PHACTR2: variants seen among roughly 807,000 people sequenced by gnomAD.
The protein encoded by PHACTR2 is phosphatase and actin regulator 2.
In PHACTR2, 30 loss-of-function variants were observed where a neutral mutation model predicts 76.0. The ratio of observed to expected loss-of-function variants is 0.39; its 90% CI spans 0.30 to 0.54. The LOEUF (loss-of-function observed/expected upper bound fraction) is 0.54, where lower values mean the gene tolerates loss of function less well. PHACTR2 is among the 20% of genes least tolerant of loss of function. The probability of loss-of-function intolerance (pLI) is 0.61; values close to 1 mark genes in which losing one functional copy is unlikely to be tolerated. For synonymous variants in PHACTR2, 292 were observed against 292.5 expected (o/e 1.00, Z 0.02); for missense variants, 696 against 781.1 (o/e 0.89, Z 1.30).
intron 1 of PHACTR2, among the ~76,000 whole-genome samples, chr6:143,690,225 A>G (rs117549064): frequency 0.017 from 2,520 of 152,220 alleles, 37 homozygotes; most frequent in Non-Finnish European, 0.024. Context: ...CAAATACTCG[A>G]GTTATTCTTA....
intron 1 of PHACTR2, among the ~76,000 whole-genome samples, chr6:143,600,708 TTGAG>T (rs1775805031): frequency 6.6e-6 from 1 of 152,214 alleles, no homozygotes; most frequent in Admixed American, 6.5e-5. Flanking sequence ...ACCAAGACTA[TTGAG>T]TGCTATTGAG....
rs1386284018 is a variant in PHACTR2, at chr6:143,561,234, T to A, written c.217+24027T>A. Reference sequence around the variant, plus strand: ...GAAGGTTCTGCCCCTCTGAGCTCATTTCCCCTCCTCACCCTGTGATGACAG... The same window carrying A: ...GAAGGTTCTGCCCCTCTGAGCTCATATCCCCTCCTCACCCTGTGATGACAG... On this transcript the variant is annotated intron_variant, in intron 1 of 11. Transcript: ENST00000367584. This position sits in a 1 kb window ranked among gnomAD's most constrained non-coding sequence, Gnocchi z 4.1. 6.6e-6 allele frequency: 1 copy of A among 152,260 alleles called. No individual in the cohort carries two copies. The highest frequency in any genetic ancestry group is 2.4e-5 in the African/African-American group (1 of 41,444). The allele number at this position is 152,260 out of a possible 1,614,324, so 9.4% of individuals were successfully genotyped here. A position where few individuals can be genotyped will look rare whatever the true frequency, so the allele number is the denominator to read the frequency against.
chr6:143,606,108 A>G (rs377203334), upstream of PHACTR2, among the ~76,000 whole-genome samples: 21 of 152,342 alleles, frequency 1.4e-4, no homozygotes, highest in African/African-American at 4.6e-4. Flanking sequence ...AATCACTCCT[A>G]GCAGGATCTG....
At chr6:143,613,948 C>T (rs1377453821) in intron 1 of PHACTR2, among the ~76,000 whole-genome samples, 2 of 152,254 alleles carry the variant, frequency 1.3e-5, no homozygotes, top group East Asian at 1.9e-4. Flanking sequence ...TGAGGCCGGG[C>T]GTGGTGGCTC....
Position 143,765,268 on chromosome 6 carries a change from C to A in PHACTR2, c.702C>A (p.Ser234=), listed in dbSNP as rs1274556169. 2 of 1,611,672 alleles carry A rather than the reference C, an allele frequency of 1.2e-6. No homozygotes were observed. Among genetic ancestry groups the A allele is most frequent in the South Asian group, 1.1e-5 (1 of 90,984 alleles). ...SRNTTREAAG[S]SHSKKTTGSK... is the part of the protein sequence containing the mutation. Reference sequence around the variant, plus strand: ...AAGGTCTCTCTATTGTAGCTGGCTCCTCTCATTCAAAAAAAACAACTGGCT... The same window carrying A: ...AAGGTCTCTCTATTGTAGCTGGCTCATCTCATTCAAAAAAAACAACTGGCT... Residue 234 remains serine, a synonymous_variant, in exon 6 of 13, where the codon TCC becomes TCA. Coordinates refer to ENST00000440869, the MANE Select transcript of PHACTR2 (RefSeq NM_001100164.2). The surrounding 1 kb of genome is among the most constrained non-coding windows in gnomAD (Gnocchi z 4.1).
chr6:143,666,961 G>A (rs958057595), intron 1 of PHACTR2, among the ~76,000 whole-genome samples: 1 of 152,198 alleles, frequency 6.6e-6, no homozygotes, highest in East Asian at 1.9e-4. Context: ...CCATGCCTAT[G>A]TCCTGAATGG....
Position 143,656,536 on chromosome 6 carries a change from T to C in PHACTR2, c.13+48214T>C, listed in dbSNP as rs941489919. Among the ~76,000 whole-genome samples, 21 of 152,108 alleles carry C rather than the reference T, an allele frequency of 1.4e-4. No individual in the cohort carries two copies. Among genetic ancestry groups the C allele is most frequent in the African/African-American group, 3.6e-4 (15 of 41,410 alleles). On this transcript the variant is annotated intron_variant, in intron 1 of 11. Transcript: ENST00000305766. The surrounding 1 kb of genome is among the most constrained non-coding windows in gnomAD (Gnocchi z 5.3). The stretch of plus-strand genomic sequence containing the variant: ...CTGTGTGTGTCCCACAGGCTGCAGG[T>C]TGGGCAAGTTTGGTCTATGATTTTA...
rs1012235153 is a variant in PHACTR2, at chr6:143,760,001, C to A, written c.455-400C>A. Among the ~76,000 whole-genome samples, 7 of 152,204 alleles carry A rather than the reference C, an allele frequency of 4.6e-5. No individual in the cohort carries two copies. In the South Asian group the frequency reaches 1.4e-3, roughly 32 times the overall value. ...ACAGCAGTGACTGTAACGTGTTCAT[C>A]TGCCACTCTCCAGGAGCCTTCAACT... On this transcript the variant is annotated intron_variant, in intron 4 of 12. Coordinates refer to ENST00000440869, the MANE Select transcript of PHACTR2 (RefSeq NM_001100164.2). The surrounding 1 kb of genome is among the most constrained non-coding windows in gnomAD (Gnocchi z 6.4).
chr6:143,541,280 A>G lies in PHACTR2; in HGVS notation c.217+4073A>G, dbSNP rs979252652. ...TTTCTGATGTGCTGTTCTGATAAGC[A>G]CAGTGTTTAGTAAGTAAAGAACCTG... On this transcript the variant is annotated intron_variant, in intron 1 of 11. Coordinates refer to the PHACTR2 transcript ENST00000367584. The surrounding 1 kb of genome is among the most constrained non-coding windows in gnomAD (Gnocchi z 5.3). Among the ~76,000 whole-genome samples the G allele has an allele frequency of 1.7e-4, 26 of 152,228 alleles. No homozygotes were observed. The highest frequency in any genetic ancestry group is 6.0e-4 in the African/African-American group (25 of 41,462).
chr6:143,739,083 TGAGACG>T lies in PHACTR2; in HGVS notation c.215-9898_215-9893del, dbSNP rs1381147339. 6.6e-6 allele frequency among the ~76,000 whole-genome samples: 1 copy of T among 152,220 alleles called. No individual in the cohort carries two copies. Among genetic ancestry groups the T allele is most frequent in the Non-Finnish European group, 1.5e-5 (1 of 68,040 alleles). On this transcript the variant is annotated intron_variant, in intron 2 of 12. Transcript: ENST00000440869. This position sits in a 1 kb window ranked among gnomAD's most constrained non-coding sequence, Gnocchi z 4.3. ...TATTTATTATTTATTTATTTATTTT[TGAGACG>T]GAGTCTCTCTCTGTCCCGAGGCTGG... is the stretch of plus-strand genomic sequence containing the variant.
At position 143,765,617 on chromosome 6, in the gene PHACTR2, C is replaced by T. The variant is rs893198888; in HGVS notation, c.1051C>T (p.Leu351Phe). The change falls in exon 6 of 13, where the codon CTC becomes TTC. Residue 351 changes from leucine (L) to phenylalanine (F), a missense_variant. Physicochemically the swap from Leu to Phe is conservative, Grantham distance 22 (BLOSUM62 0). Coordinates refer to ENST00000440869, the MANE Select transcript of PHACTR2 (RefSeq NM_001100164.2). The surrounding 1 kb of genome is among the most constrained non-coding windows in gnomAD (Gnocchi z 4.1). Reference protein sequence around the residue: ...APAPSPLAPPLPLEDQCITAS... With the variant: ...APAPSPLAPPFPLEDQCITAS... Reference sequence around the variant, plus strand: ...AGCACCTTCTCCTCTGGCCCCCCCTCTCCCTCTTGAGGATCAGTGCATTAC... The same window carrying T: ...AGCACCTTCTCCTCTGGCCCCCCCTTTCCCTCTTGAGGATCAGTGCATTAC... 2 of 1,614,082 alleles carry T rather than the reference C, an allele frequency of 1.2e-6. No individual in the cohort carries two copies. Among genetic ancestry groups the T allele is most frequent in the Non-Finnish European group, 8.5e-7 (1 of 1,180,034 alleles).
At chr6:143,719,720 C>G (rs1778396505) in intron 2 of PHACTR2, among the ~76,000 whole-genome samples, 1 of 151,270 alleles carries the variant, frequency 6.6e-6, no homozygotes, top group Admixed American at 6.6e-5. Flanking sequence ...TTCCTTTTTC[C>G]CAATTTACTG....
chr6:143,668,375 G>C (rs1286085178), intron 1 of PHACTR2, among the ~76,000 whole-genome samples: 1 of 152,172 alleles, frequency 6.6e-6, no homozygotes, highest in Non-Finnish European at 1.5e-5. Flanking sequence ...GTATCAGGAT[G>C]ATGTTGGCCT....
chr6:143,644,814 G>GT (rs1211822706), intron 1 of PHACTR2, among the ~76,000 whole-genome samples: 2 of 146,834 alleles, frequency 1.4e-5, no homozygotes, highest in African/African-American at 5.0e-5. Context: ...TGTTTTTTCT[G>GT]TTTTTTGATA....
At chr6:143,728,784 C>T (rs1778634863) in intron 2 of PHACTR2, among the ~76,000 whole-genome samples, 1 of 151,930 alleles carries the variant, frequency 6.6e-6, no homozygotes, top group African/African-American at 2.4e-5. Context: ...AATATCTAAA[C>T]ACAAAAGAAT....
At chr6:143,714,533 T>C (rs1778257952) in intron 2 of PHACTR2, among the ~76,000 whole-genome samples, 1 of 152,252 alleles carries the variant, frequency 6.6e-6, no homozygotes, top group South Asian at 2.1e-4. Context: ...GAGTGCTCAT[T>C]CTACGTCTAA....
intron 1 of PHACTR2, among the ~76,000 whole-genome samples, chr6:143,574,520 A>G (rs1226642174): frequency 1.3e-5 from 2 of 152,196 alleles, no homozygotes; most frequent in Non-Finnish European, 2.9e-5. Context: ...TTAGATTTTT[A>G]AAGTTATAAC....
rs1775775297 is a variant in PHACTR2, at chr6:143,598,258, T to G, written c.217+61051T>G. 6.6e-6 allele frequency among the ~76,000 whole-genome samples: 1 copy of G among 152,130 alleles called. No homozygotes were observed. Among genetic ancestry groups the G allele is most frequent in the African/African-American group, 2.4e-5 (1 of 41,406 alleles). On this transcript the variant is annotated intron_variant, in intron 1 of 11. Coordinates refer to the PHACTR2 transcript ENST00000367584. The surrounding 1 kb of genome is among the most constrained non-coding windows in gnomAD (Gnocchi z 4.1). ...GGGCTCAGTGTAATCACAGGATTCC[T>G]TATAAGAGGGACAAGAAGGTTAAAA... is the stretch of plus-strand genomic sequence containing the variant.
intron 1 of PHACTR2, among the ~76,000 whole-genome samples, chr6:143,685,497 A>G (rs977911123): frequency 2.0e-5 from 3 of 152,106 alleles, no homozygotes; most frequent in Non-Finnish European, 4.4e-5. Flanking sequence ...GCCAGGAACT[A>G]CTCTAAGTGC....
Sources: gnomAD v4.1 joint callset for allele counts (sites outside exome capture counted in the v4.1 genomes callset) on GRCh38, gnomAD v4.1.1 for gene constraint, Gnocchi (gnomAD v3.1) non-coding constraint, MANE v1.5 for transcripts, NCBI Gene and HGNC (gene_info 2026-07-23, HGNC 2026-07-21) for gene names.